DIS3L: variants seen among roughly 807,000 people sequenced by gnomAD.
The protein encoded by DIS3L is DIS3-like exonuclease 1.
Under a neutral mutation model 120.3 loss-of-function variants are expected in DIS3L, and 100 were observed. The ratio of observed to expected loss-of-function variants is 0.83; its 90% CI spans 0.71 to 0.98. DIS3L has a LOEUF of 0.98. Ranked by LOEUF, DIS3L falls within the 50% of genes least tolerant of loss-of-function variation. The pLI is 0.00. For synonymous variants in DIS3L, 426 were observed against 470.6 expected, an observed-to-expected ratio of 0.91 and a Z score of 1.23; for missense variants, 1,196 against 1,314.2, an observed-to-expected ratio of 0.91 and a Z score of 1.39.
chr15:66,309,072 G>A, intron 4 of DIS3L, among the ~76,000 whole-genome samples: 1 of 4,722 alleles, frequency 2.1e-4, no homozygotes, highest in Non-Finnish European at 5.2e-4. Flanking sequence ...GTGAGACCTT[G>A]TCTCTACAGA....
chr15:66,298,592 C>G (rs1334650048), intron 2 of DIS3L, among the ~76,000 whole-genome samples: 2 of 152,164 alleles, frequency 1.3e-5, no homozygotes, highest in Non-Finnish European at 1.5e-5. Context: ...AATAAGATTT[C>G]CTATTTTGAC....
chr15:66,328,311 C>T (rs868355285), intron 12 of DIS3L, among the ~76,000 whole-genome samples: 7 of 152,134 alleles, frequency 4.6e-5, no homozygotes, highest in South Asian at 2.1e-4. Context: ...TCCCCCTTTT[C>T]CCTTAGCCAG....
Position 66,293,700 on chromosome 15 carries a change from G to A in DIS3L, c.104G>A (p.Ser35Asn), listed in dbSNP as rs2092548077. ...CTGCGGCCCTGCGTGCCCTGCCACA[G>A]CCCGCTCTGCCCGCAGCCCGCCGCC... Reference protein sequence around the residue: ...HYLRPCVPCHSPLCPQPAACS... With the variant: ...HYLRPCVPCHNPLCPQPAACS... Residue 35 changes from serine to asparagine, a missense_variant, in exon 1 of 17, where the codon AGC becomes AAC. By Grantham distance (46) the Ser-to-Asn change is conservative. Coordinates refer to ENST00000319212, the MANE Select transcript of DIS3L (RefSeq NM_001143688.3). 7.4e-7 allele frequency: 1 copy of A among 1,355,150 alleles called. No homozygotes were observed. The highest frequency in any genetic ancestry group is 2.7e-4 in the Middle Eastern group (1 of 3,642). 83.9% of individuals were successfully genotyped at this position (1,355,150 alleles called of 1,614,324 possible).
intron 7 of DIS3L, 137 bp from the exon 8 acceptor site, chr15:66,318,312 C>G: frequency 1.1e-6 from 1 of 952,082 alleles, no homozygotes; most frequent in Non-Finnish European, 1.5e-6. Flanking sequence ...CAAAAACATT[C>G]TTGAGTTGGG....
In DIS3L at chr15:66,309,094, A is replaced by AAAAAATATATATATATAT; in HGVS notation, c.558+251_558+252insAAAATATATATATATATA. ...CTTGTCTCTACAGAAAAAAAAAAAA[A>AAAAAATATATATATATAT]ATATATATATCTCCAAGCATGGTGG... On this transcript the variant is annotated intron_variant, in intron 4 of 16. Coordinates refer to ENST00000319212, the MANE Select transcript of DIS3L (RefSeq NM_001143688.3). Among the ~76,000 whole-genome samples the AAAAAATATATATATATAT allele has an allele frequency of 3.9e-4, 6 of 15,316 alleles. 3 individuals are homozygous for AAAAAATATATATATATAT. Among genetic ancestry groups the AAAAAATATATATATATAT allele is most frequent in the East Asian group, 0.01 (2 of 196 alleles). The allele number at this position is 15,316 out of a possible 152,430, so 10.0% of individuals were successfully genotyped here.
intron 2 of DIS3L, among the ~76,000 whole-genome samples, chr15:66,305,023 C>T (rs1226056548): frequency 2.3e-5 from 3 of 128,030 alleles, no homozygotes; most frequent in South Asian, 2.6e-4. Flanking sequence ...TTTTTTGAGC[C>T]GGAGGTCTTG....
At chr15:66,294,187 G>A in intron 1 of DIS3L, 4 of 985,650 alleles carry the variant, frequency 4.1e-6, no homozygotes, top group Non-Finnish European at 4.8e-6. Flanking sequence ...TTCCTGACCT[G>A]CCCGCACTGT....
At chr15:66,302,399 T>C (rs1158679999) in intron 2 of DIS3L, among the ~76,000 whole-genome samples, 2 of 152,000 alleles carry the variant, frequency 1.3e-5, no homozygotes, top group African/African-American at 4.8e-5. Flanking sequence ...AAACCCTGGG[T>C]CTGAAGTGAA....
chr15:66,323,577 C>G lies in DIS3L; in HGVS notation c.1659C>G (p.Gly553=), dbSNP rs150875950. Residue 553 remains glycine, a synonymous_variant, in exon 11 of 17, where the codon GGC becomes GGG. Coordinates refer to ENST00000319212, the MANE Select transcript of DIS3L (RefSeq NM_001143688.3). Reference sequence around the variant, plus strand: ...CAGATTTGTGTTCCCTTCTGGGAGGCGTTGATAGGTGAGTTTATGGCTTTT... The same window carrying G: ...CAGATTTGTGTTCCCTTCTGGGAGGGGTTGATAGGTGAGTTTATGGCTTTT... The part of the protein sequence containing the change: ...LSADLCSLLG[G]VDRYAVSIMW... 1 of 1,614,198 alleles carries G rather than the reference C, an allele frequency of 6.2e-7. No homozygotes were observed. Among genetic ancestry groups the G allele is most frequent in the East Asian group, 2.2e-5 (1 of 44,888 alleles).
At chr15:66,304,998 C>CTTT (rs1283384329) in intron 2 of DIS3L, among the ~76,000 whole-genome samples, 15 of 105,064 alleles carry the variant, frequency 1.4e-4, no homozygotes, top group Admixed American at 2.1e-4. Flanking sequence ...AAATCGATTT[C>CTTT]TTTTTTTTTT....
rs2093018157 is a variant in DIS3L at position 66,333,019 on chromosome 15, C to T, written c.2872C>T (p.Gln958Ter). ...TCTATGCTAGGTAAGAATATCCATA[C>T]AGGCCTCACGTTGCCATTCTGATAC... is the stretch of plus-strand genomic sequence containing the variant. ...FDHVTVRISI[Q>*]ASRCHSDTIR... Residue 958 changes from glutamine to a stop codon, truncating the protein, a stop_gained, in exon 17 of 17, where the codon CAG (glutamine) becomes TAG (stop). Transcript: ENST00000319212. LOFTEE classifies it high-confidence loss of function. 6.2e-7 allele frequency: 1 copy of T among 1,611,280 alleles called. No homozygotes were observed. Among genetic ancestry groups the T allele is most frequent in the African/African-American group, 1.3e-5 (1 of 74,690 alleles).
At chr15:66,295,887 CATTT>C (rs1222053621) in intron 2 of DIS3L, among the ~76,000 whole-genome samples, 2 of 152,128 alleles carry the variant, frequency 1.3e-5, no homozygotes, top group African/African-American at 4.8e-5. Flanking sequence ...ACCAACTATG[CATTT>C]ATTCTTTTTT....
In DIS3L at chr15:66,333,093, A is replaced by G; in HGVS notation, c.2946A>G (p.Thr982=). ...ISNKPYKIPN[T]ELIHQSSPLL... is the part of the protein sequence containing the mutation. ...ACAAACCATACAAGATACCAAATAC[A>G]GAACTTATTCATCAGAGTTCCCCCT... The change falls in exon 17 of 17, where the codon ACA becomes ACG. Residue 982 remains threonine, a synonymous_variant. Coordinates refer to ENST00000319212, the MANE Select transcript of DIS3L (RefSeq NM_001143688.3). 6.2e-7 allele frequency: 1 copy of G among 1,613,462 alleles called. No homozygotes were observed. The highest frequency in any genetic ancestry group is 8.5e-7 in the Non-Finnish European group (1 of 1,180,038).
At position 66,320,666 on chromosome 15, in the gene DIS3L, G is replaced by A; in HGVS notation, c.1260G>A (p.Leu420=). Reference sequence around the variant, plus strand: ...GTGTTTTAGGAAGAATCGGAGATCTGGAAGGGGAAATTGCAACCATCCTGG... The same window carrying A: ...GTGTTTTAGGAAGAATCGGAGATCTAGAAGGGGAAATTGCAACCATCCTGG... ...FVRVLGRIGD[L]EGEIATILVE... Residue 420 remains leucine, a synonymous_variant, in exon 9 of 17, where the codon CTG becomes CTA. Coordinates refer to ENST00000319212, the MANE Select transcript of DIS3L (RefSeq NM_001143688.3). 6 of 1,614,062 alleles carry A rather than the reference G, an allele frequency of 3.7e-6. No individual in the cohort carries two copies. The highest frequency in any genetic ancestry group is 5.1e-6 in the Non-Finnish European group (6 of 1,179,980).
intron 4 of DIS3L, among the ~76,000 whole-genome samples, chr15:66,310,607 G>A (rs538687066): frequency 1.3e-5 from 2 of 152,304 alleles, no homozygotes; most frequent in African/African-American, 4.8e-5. Context: ...ATGACAAAGT[G>A]TAGTGTTGAT....
chr15:66,304,718 T>C (rs1457131644), intron 2 of DIS3L, among the ~76,000 whole-genome samples: 1 of 151,800 alleles, frequency 6.6e-6, no homozygotes, highest in Admixed American at 6.6e-5. Context: ...CTGGCAAACA[T>C]GGTGAAACCC....
At chr15:66,319,794 T>G (rs755475) in intron 8 of DIS3L, among the ~76,000 whole-genome samples, 2,330 of 152,036 alleles carry the variant, frequency 0.015, 64 homozygotes, top group African/African-American at 0.054. Flanking sequence ...CACGACACCT[T>G]CTTCTCCACC....
chr15:66,306,799 G>A, intron 2 of DIS3L, 25 bp from the exon 3 acceptor site: 1 of 1,613,020 alleles, frequency 6.2e-7, no homozygotes, highest in Non-Finnish European at 8.5e-7. Context: ...CTTTGTTAGA[G>A]TTATTTTTCT....
At chr15:66,323,105 G>A (rs921172972) in intron 10 of DIS3L, among the ~76,000 whole-genome samples, 171 bp downstream of exon 10, 1 of 152,132 alleles carries the variant, frequency 6.6e-6, no homozygotes, top group South Asian at 2.1e-4. Context: ...ACAGTACCTT[G>A]ATCAATTTAC....
Sources: gnomAD v4.1 joint callset for allele counts (sites outside exome capture counted in the v4.1 genomes callset) on GRCh38, gnomAD v4.1.1 for gene constraint, MANE v1.5 for transcripts, NCBI Gene and HGNC (gene_info 2026-07-23, HGNC 2026-07-21) for gene names.